SDK1: variants seen among roughly 807,000 people sequenced by gnomAD.
SDK1 encodes protein sidekick-1.
A neutral mutation model predicts 245.5 loss-of-function variants in SDK1; 157 were observed. The observed-to-expected ratio is 0.64, with a 90% CI of 0.56 to 0.73. SDK1 has a LOEUF of 0.73. Among genes scored for constraint, SDK1 ranks in the 30% least tolerant of loss-of-function variants. SDK1 has a pLI of 0.00. For missense variants in SDK1, 3,583 were observed against 3,002.3 expected (o/e 1.19, Z -4.52); for synonymous variants, 1,647 against 1,278.5 (o/e 1.29, Z -6.15).
chr7:3,916,080 G>T (rs1455390909), intron 5 of SDK1, among the ~76,000 whole-genome samples: 2 of 152,158 alleles, frequency 1.3e-5, no homozygotes, highest in Admixed American at 6.5e-5. Flanking sequence ...TCTATGGCCT[G>T]TGCTTTTTCC....
At chr7:3,509,134 G>C (rs1782495959) in intron 1 of SDK1, among the ~76,000 whole-genome samples, 1 of 151,958 alleles carries the variant, frequency 6.6e-6, no homozygotes, top group Non-Finnish European at 1.5e-5. Context: ...CAGACACACA[G>C]ACATCCATCC....
intron 2 of SDK1, among the ~76,000 whole-genome samples, chr7:3,630,869 C>G (rs1782268398): frequency 6.6e-6 from 1 of 151,826 alleles, no homozygotes; most frequent in African/African-American, 2.4e-5. Flanking sequence ...GGCCCGAGAC[C>G]CTGAGACAAA....
chr7:3,588,012 C>T (rs1353734362), intron 1 of SDK1, among the ~76,000 whole-genome samples: 2 of 152,214 alleles, frequency 1.3e-5, no homozygotes, highest in Non-Finnish European at 2.9e-5. Context: ...TAAATCAATT[C>T]TTTGTAAATT....
Position 3,572,208 on chromosome 7 carries a change from T to C in SDK1, c.299-46872T>C, listed in dbSNP as rs192822050. Reference sequence around the variant, plus strand: ...TTAGTAGTTTCTACCTGGAAGTAACTCACATTCTTTTTAAAATTTTTTTGG... The same window carrying C: ...TTAGTAGTTTCTACCTGGAAGTAACCCACATTCTTTTTAAAATTTTTTTGG... On this transcript the variant is annotated intron_variant, in intron 1 of 44. Transcript: ENST00000404826. Among the ~76,000 whole-genome samples the C allele has an allele frequency of 5.3e-3, 808 of 152,198 alleles. 11 individuals carry two copies. The highest frequency in any genetic ancestry group is 0.018 in the South Asian group (87 of 4,820).
chr7:3,464,698 G>GTATATATATATATATA (rs141577885), intron 1 of SDK1, among the ~76,000 whole-genome samples: 91 of 148,076 alleles, frequency 6.1e-4, no homozygotes, highest in African/African-American at 2.3e-3. Context: ...GTGTATGTAT[G>GTATATATATATATATA]TATATATATA....
At chr7:4,261,870 C>T (rs955167991) in intron 44 of SDK1, among the ~76,000 whole-genome samples, 1 of 151,866 alleles carries the variant, frequency 6.6e-6, no homozygotes, top group Non-Finnish European at 1.5e-5. Flanking sequence ...CAGGTGGATC[C>T]CCTAGGAGCC....
chr7:3,778,457 C>T (rs1023007815), intron 4 of SDK1, among the ~76,000 whole-genome samples: 7 of 146,406 alleles, frequency 4.8e-5, no homozygotes, highest in Non-Finnish European at 7.7e-5. Context: ...GGTTAAAGTT[C>T]GTATTTTCTA....
At chr7:3,360,100 A>T (rs540753158) in intron 1 of SDK1, among the ~76,000 whole-genome samples, 1 of 152,330 alleles carries the variant, frequency 6.6e-6, no homozygotes, top group South Asian at 2.1e-4. Context: ...CTCTTATGTC[A>T]TGGCCTTCAG....
intron 5 of SDK1, among the ~76,000 whole-genome samples, chr7:3,883,401 A>G (rs1225465339): frequency 1.3e-5 from 2 of 152,240 alleles, no homozygotes; most frequent in Admixed American, 1.3e-4. Context: ...TGTTGCAGAC[A>G]TTATGAGCCT....
chr7:3,927,750 C>T (rs750205292), intron 5 of SDK1, among the ~76,000 whole-genome samples: 1 of 152,182 alleles, frequency 6.6e-6, no homozygotes, highest in Non-Finnish European at 1.5e-5. Context: ...AAAATAATGT[C>T]GTCAAATTTC....
At chr7:3,495,668 C>T (rs1782003155) in intron 1 of SDK1, among the ~76,000 whole-genome samples, 2 of 152,222 alleles carry the variant, frequency 1.3e-5, no homozygotes, top group Admixed American at 1.3e-4. Flanking sequence ...TAAAGACTGT[C>T]ACCAACTACT....
At chr7:4,027,862 A>G (rs931645452) in intron 17 of SDK1, among the ~76,000 whole-genome samples, 17 of 151,902 alleles carry the variant, frequency 1.1e-4, no homozygotes, top group African/African-American at 4.1e-4. Flanking sequence ...AGAGGAGAGG[A>G]GAAGGGGGAG....
Position 3,716,268 on chromosome 7 carries a change from A to G in SDK1, c.713+74163A>G, listed in dbSNP as rs563559321. 4.0e-4 allele frequency among the ~76,000 whole-genome samples: 60 copies of G among 149,548 alleles called. No individual in the cohort carries two copies. In the East Asian group the frequency reaches 5.5e-3, roughly 14 times the overall value. ...AGGTGAAAGCTTTCTAAATTGGGGG[A>G]AAAAAAAAACTCCACAAGCCTACAG... On this transcript the variant is annotated intron_variant, in intron 4 of 44. Coordinates refer to ENST00000404826, the MANE Select transcript of SDK1 (RefSeq NM_152744.4).
At chr7:3,754,446 C>T (rs1385320318) in intron 4 of SDK1, among the ~76,000 whole-genome samples, 1 of 152,154 alleles carries the variant, frequency 6.6e-6, no homozygotes, top group Non-Finnish European at 1.5e-5. Context: ...TAAAATGTTA[C>T]ATTATTGTGA....
intron 4 of SDK1, among the ~76,000 whole-genome samples, chr7:3,793,895 T>C (rs553393720): frequency 6.6e-6 from 1 of 152,098 alleles, no homozygotes; most frequent in Non-Finnish European, 1.5e-5. Flanking sequence ...GAGGACCTCA[T>C]TGGTGTCCGG....
At chr7:4,215,972 G>A (rs533500939) in intron 38 of SDK1, among the ~76,000 whole-genome samples, 37 of 152,194 alleles carry the variant, frequency 2.4e-4, no homozygotes, top group African/African-American at 8.4e-4. Flanking sequence ...GCAAGCAGTG[G>A]GCTTCAGACC....
chr7:3,835,182 C>G (rs1780002744), intron 5 of SDK1, among the ~76,000 whole-genome samples: 1 of 152,192 alleles, frequency 6.6e-6, no homozygotes, highest in Non-Finnish European at 1.5e-5. Flanking sequence ...GAAGGTCACT[C>G]TGACTCTAAA....
intron 44 of SDK1, among the ~76,000 whole-genome samples, chr7:4,248,759 T>G (rs547414797): frequency 2.6e-5 from 4 of 152,078 alleles, no homozygotes; most frequent in Admixed American, 2.6e-4. Context: ...AATTTGCATG[T>G]GCACACATAC....
intron 32 of SDK1, among the ~76,000 whole-genome samples, chr7:4,164,497 G>GAA (rs1781369427): frequency 6.6e-6 from 1 of 152,190 alleles, no homozygotes; most frequent in African/African-American, 2.4e-5. Context: ...CCAAGTGCTC[G>GAA]TTTCCCAGCC....
Sources: gnomAD v4.1 joint callset for allele counts (sites outside exome capture counted in the v4.1 genomes callset) on GRCh38, gnomAD v4.1.1 for gene constraint, MANE v1.5 for transcripts, NCBI Gene and HGNC (gene_info 2026-07-23, HGNC 2026-07-21) for gene names.